SPRR4: variants seen among roughly 807,000 people sequenced by gnomAD.
SPRR4 encodes small proline-rich protein 4.
For synonymous variants in SPRR4, 30 were observed against 34.3 expected (o/e 0.87, Z 0.44); for missense variants, 106 against 91.6 (o/e 1.16, Z -0.64).
chr1:152,969,438 C>G (rs561078373), upstream of SPRR4, among the ~76,000 whole-genome samples: 8 of 152,268 alleles, frequency 5.3e-5, no homozygotes, highest in African/African-American at 1.7e-4. Context: ...TAAGGTATTC[C>G]TATCATTTCT....
intron 1 of SPRR4, 126 bp from the exon 2 acceptor site, chr1:152,971,745 A>T: frequency 7.9e-7 from 1 of 1,266,028 alleles, no homozygotes; most frequent in African/African-American, 1.5e-5. Flanking sequence ...CAGATCTGTC[A>T]GCTAAGATGG....
chr1:152,971,197 A>G (rs769382693), intron 1 of SPRR4, among the ~76,000 whole-genome samples: 40 of 152,138 alleles, frequency 2.6e-4, no homozygotes, highest in Non-Finnish European at 1.0e-4. Flanking sequence ...ACCATAAGGA[A>G]CACTGCCTAC....
chr1:152,972,144 A>G lies in SPRR4; in HGVS notation c.*14A>G. 1.9e-6 allele frequency: 3 copies of G among 1,613,774 alleles called. No individual in the cohort carries two copies. Among genetic ancestry groups the G allele is most frequent in the Non-Finnish European group, 2.5e-6 (3 of 1,179,804 alleles). ...AAACAGAAGTAAGGATGGACTGGATATTACCATCATCCACCATCCTGGCTA... is the reference window on the plus strand; with the variant it reads ...AAACAGAAGTAAGGATGGACTGGATGTTACCATCATCCACCATCCTGGCTA... On this transcript the variant is annotated 3_prime_UTR_variant, in exon 2 of 2. Coordinates refer to ENST00000328051, the MANE Select transcript of SPRR4 (RefSeq NM_173080.3).
upstream of SPRR4, among the ~76,000 whole-genome samples, chr1:152,969,830 A>G (rs1012855110): frequency 6.6e-6 from 1 of 152,198 alleles, no homozygotes; most frequent in Admixed American, 6.5e-5. Context: ...TTTATGTGGC[A>G]AGTCTACCAC....
At chr1:152,970,950 G>A (rs918380981) in intron 1 of SPRR4, among the ~76,000 whole-genome samples, 5 of 152,226 alleles carry the variant, frequency 3.3e-5, no homozygotes, top group African/African-American at 1.2e-4. Context: ...TATTGTTGAA[G>A]AAGGAGATAT....
intron 1 of SPRR4, 50 bp from the exon 2 acceptor site, chr1:152,971,821 G>T: frequency 6.3e-7 from 1 of 1,582,272 alleles, no homozygotes; most frequent in Non-Finnish European, 8.6e-7. Context: ...GGTGTTAAAA[G>T]GCTACTTTTT....
At chr1:152,968,819 C>T (rs190523901), upstream of SPRR4, among the ~76,000 whole-genome samples, 17 of 152,306 alleles carry the variant, frequency 1.1e-4, no homozygotes, top group East Asian at 3.3e-3. Context: ...ATGGAGCTGC[C>T]CATCTGTTCA....
At chr1:152,971,084 G>T (rs376334504) in intron 1 of SPRR4, among the ~76,000 whole-genome samples, 1 of 152,092 alleles carries the variant, frequency 6.6e-6, no homozygotes, top group East Asian at 1.9e-4. Flanking sequence ...CAGGTATATT[G>T]AACATTTTAT....
Position 152,971,953 on chromosome 1 carries a change from G to A in SPRR4, c.63G>A (p.Gln21=), listed in dbSNP as rs772944126. 2.5e-6 allele frequency: 4 copies of A among 1,614,078 alleles called. No individual in the cohort carries two copies. In the African/African-American group the frequency reaches 5.3e-5, roughly 22 times the overall value. ...QQCPPQRAQQ[Q]QVKQPCQPPP... is the part of the protein sequence containing the mutation. ...GCCCACCCCAGAGGGCCCAGCAGCAGCAAGTGAAGCAGCCTTGTCAGCCAC... is the reference window on the plus strand; with the variant it reads ...GCCCACCCCAGAGGGCCCAGCAGCAACAAGTGAAGCAGCCTTGTCAGCCAC... Residue 21 remains glutamine, a synonymous_variant, in exon 2 of 2, where the codon CAG becomes CAA. Transcript: ENST00000328051.
chr1:152,970,189 A>G (rs528304346), upstream of SPRR4, among the ~76,000 whole-genome samples: 4 of 152,330 alleles, frequency 2.6e-5, no homozygotes, highest in African/African-American at 7.2e-5. Flanking sequence ...GGCCATGAAG[A>G]TGAAATGAAA....
chr1:152,970,104 A>G (rs2101548773), upstream of SPRR4, among the ~76,000 whole-genome samples: 1 of 152,332 alleles, frequency 6.6e-6, no homozygotes, highest in East Asian at 1.9e-4. Flanking sequence ...TTCAAATCCC[A>G]TCTCTGCTGT....
Position 152,972,177 on chromosome 1 carries a change from G to C in SPRR4, c.*47G>C. Reference sequence around the variant, plus strand: ...CATCCACCATCCTGGCTACCAGATGGAACCTTCTCTTCTTCCTTCTCCTCT... The same window carrying C: ...CATCCACCATCCTGGCTACCAGATGCAACCTTCTCTTCTTCCTTCTCCTCT... On this transcript the variant is annotated 3_prime_UTR_variant, in exon 2 of 2. Coordinates refer to ENST00000328051, the MANE Select transcript of SPRR4 (RefSeq NM_173080.3). 1 of 1,610,594 alleles carries C rather than the reference G, an allele frequency of 6.2e-7. No homozygotes were observed. The highest frequency in any genetic ancestry group is 1.1e-5 in the South Asian group (1 of 90,620).
At chr1:152,969,735 T>C (rs1386684520), upstream of SPRR4, among the ~76,000 whole-genome samples, 1 of 152,228 alleles carries the variant, frequency 6.6e-6, no homozygotes, top group Non-Finnish European at 1.5e-5. Context: ...AATTTTTGAG[T>C]ATGTTTCCTG....
intron 1 of SPRR4, among the ~76,000 whole-genome samples, chr1:152,971,353 C>G (rs1404290858): frequency 5.3e-5 from 8 of 152,034 alleles, no homozygotes; most frequent in Non-Finnish European, 1.2e-4. Flanking sequence ...AATGTCTGAG[C>G]CTTCTTGGCT....
At chr1:152,969,741 T>C (rs1651777033), upstream of SPRR4, among the ~76,000 whole-genome samples, 1 of 152,240 alleles carries the variant, frequency 6.6e-6, no homozygotes, top group South Asian at 2.1e-4. Context: ...TGAGTATGTT[T>C]CCTGCAATAT....
At chr1:152,971,730 T>G (rs1362949880) in intron 1 of SPRR4, 141 bp from the exon 2 acceptor site, 31 of 1,136,276 alleles carry the variant, frequency 2.7e-5, no homozygotes, top group Non-Finnish European at 3.9e-5. Context: ...CCAGTTGACA[T>G]TGTCCAGATC....
upstream of SPRR4, among the ~76,000 whole-genome samples, chr1:152,969,953 A>C (rs1325400185): frequency 1.3e-5 from 2 of 152,100 alleles, no homozygotes; most frequent in African/African-American, 4.8e-5. Context: ...CATTCACATC[A>C]TCTTCTACCT....
chr1:152,972,139 T>C lies in SPRR4; in HGVS notation c.*9T>C. The C allele has an allele frequency of 6.2e-7, 1 of 1,613,990 alleles. No homozygotes were observed. Among genetic ancestry groups the C allele is most frequent in the Non-Finnish European group, 8.5e-7 (1 of 1,179,942 alleles). On this transcript the variant is annotated 3_prime_UTR_variant, in exon 2 of 2. Transcript: ENST00000328051. ...AGAGCAAACAGAAGTAAGGATGGAC[T>C]GGATATTACCATCATCCACCATCCT...
Position 152,972,523 on chromosome 1 carries a change from C to G in SPRR4, c.*393C>G. On this transcript the variant is annotated 3_prime_UTR_variant, in exon 2 of 2. Coordinates refer to ENST00000328051, the MANE Select transcript of SPRR4 (RefSeq NM_173080.3). ...TCATTCCTCTCCATGATGCCCCCTG[C>G]TCTGGGCTTCTCTCCTGTTTTCCCC... The G allele has an allele frequency of 4.4e-6, 1 of 226,374 alleles. No individual in the cohort carries two copies. The highest frequency in any genetic ancestry group is 9.5e-6 in the Non-Finnish European group (1 of 104,746). 14.0% of individuals were successfully genotyped at this position (226,374 alleles called of 1,614,324 possible).
Sources: gnomAD v4.1 joint callset for allele counts (sites outside exome capture counted in the v4.1 genomes callset) on GRCh38, gnomAD v4.1.1 for gene constraint, MANE v1.5 for transcripts, NCBI Gene and HGNC (gene_info 2026-07-23, HGNC 2026-07-21) for gene names.